AMMECR1: variants seen among roughly 807,000 people sequenced by gnomAD.
AMMECR1 encodes the protein nuclear protein AMMECR1.
In AMMECR1, 3 loss-of-function variants were observed where a neutral mutation model predicts 22.5. The ratio of observed to expected loss-of-function variants is 0.13; its 90% CI spans 0.06 to 0.35. The LOEUF (loss-of-function observed/expected upper bound fraction) is 0.35. Among genes scored for constraint, AMMECR1 ranks in the 10% least tolerant of loss-of-function variants. The pLI, the probability that AMMECR1 is intolerant of heterozygous loss-of-function variation, is 1.00. For missense variants in AMMECR1, 235 were observed against 278.7 expected (o/e 0.84, Z 1.12); for synonymous variants, 130 against 116.7 (o/e 1.11, Z -0.74).
chrX:110,405,103 A>AG (rs1440120080), intron 2 of AMMECR1, among the ~76,000 whole-genome samples: 2 of 80,776 alleles, frequency 2.5e-5, no homozygotes, highest in African/African-American at 1.0e-4. Context: ...CCCCCCCCCA[A>AG]GCATGAGTCA....
At chrX:110,378,008 C>CAAAA (rs755483656) in intron 2 of AMMECR1, among the ~76,000 whole-genome samples, 1,692 of 30,898 alleles carry the variant, frequency 0.055, 215 homozygotes, top group African/African-American at 0.22. Context: ...GACTCCGTCT[C>CAAAA]AAAAAAAAAA....
At chrX:110,359,651 T>C (rs1177783351) in intron 2 of AMMECR1, among the ~76,000 whole-genome samples, 1 of 111,873 alleles carries the variant, frequency 8.9e-6, no homozygotes, top group African/African-American at 3.2e-5. Context: ...TCATTAATAT[T>C]GTAAAAATAT....
intron 1 of AMMECR1, among the ~76,000 whole-genome samples, chrX:110,315,998 G>A (rs1020199574): frequency 6.2e-5 from 7 of 112,287 alleles, no homozygotes; most frequent in Non-Finnish European, 1.3e-4. Context: ...GTGGACTTAG[G>A]ATTTAAGCTT....
intron 1 of AMMECR1, among the ~76,000 whole-genome samples, chrX:110,427,436 A>G (rs2068762314): frequency 8.9e-6 from 1 of 111,886 alleles, no homozygotes; most frequent in Non-Finnish European, 1.9e-5. Context: ...AGAAACTCTG[A>G]GAGTGCTCAC....
chrX:110,297,769 T>C (rs1277632626), intron 1 of AMMECR1, among the ~76,000 whole-genome samples: 1 of 111,238 alleles, frequency 9.0e-6, no homozygotes, highest in Non-Finnish European at 1.9e-5. Context: ...TTTACTTGAG[T>C]TTGAAAATCA....
At chrX:110,374,456 A>T (rs1416940828) in intron 2 of AMMECR1, among the ~76,000 whole-genome samples, 1 of 111,844 alleles carries the variant, frequency 8.9e-6, no homozygotes, top group Non-Finnish European at 1.9e-5. Flanking sequence ...CCAGCTATCT[A>T]TTTATTTATA....
intron 2 of AMMECR1, among the ~76,000 whole-genome samples, chrX:110,216,861 A>G (rs1279983710): frequency 9.0e-6 from 1 of 111,392 alleles, no homozygotes; most frequent in African/African-American, 3.3e-5. Context: ...CTTCAATTGT[A>G]AAGAGAGAAT....
chrX:110,239,217 T>C (rs781032821), intron 2 of AMMECR1, among the ~76,000 whole-genome samples: 4 of 110,953 alleles, frequency 3.6e-5, no homozygotes, highest in Non-Finnish European at 7.6e-5. Context: ...TTGACAGAAG[T>C]AGGCTTCAGA....
rs560749435 is a variant in AMMECR1 at position 110,399,643 on chromosome X, A to G, written c.-148+27015T>C. On this transcript the variant is annotated intron_variant, in intron 2 of 7. Coordinates refer to the AMMECR1 transcript ENST00000372057. ...TGAAAGGCGACCTGGTTCACTTACAAATAAATGATTAATATAATCTCATTG... is the reference window on the plus strand; with the variant it reads ...TGAAAGGCGACCTGGTTCACTTACAGATAAATGATTAATATAATCTCATTG... Among the ~76,000 whole-genome samples, 135 of 112,224 alleles carry G rather than the reference A, an allele frequency of 1.2e-3. 4 individuals carry two copies. In the South Asian group the frequency reaches 0.05, roughly 41 times the overall value.
At chrX:110,438,658 A>C (rs900800604) in intron 1 of AMMECR1, among the ~76,000 whole-genome samples, 2 of 111,421 alleles carry the variant, frequency 1.8e-5, no homozygotes, top group Admixed American at 1.9e-4. Context: ...TCTCCACCAG[A>C]CATAAGGTGG....
chrX:110,227,869 G>A (rs776416691), intron 2 of AMMECR1, among the ~76,000 whole-genome samples: 1 of 112,085 alleles, frequency 8.9e-6, no homozygotes, highest in East Asian at 2.8e-4. Context: ...ATGGGTGATA[G>A]TGACAGAGAA....
chrX:110,429,453 A>G (rs915069646), intron 1 of AMMECR1, among the ~76,000 whole-genome samples: 1 of 100,461 alleles, frequency 1.0e-5, no homozygotes, highest in Non-Finnish European at 1.9e-5. Context: ...ACTTAGAGAA[A>G]AAGTGTTTTT....
chrX:110,368,990 A>G (rs777640398), intron 2 of AMMECR1, among the ~76,000 whole-genome samples: 5 of 111,774 alleles, frequency 4.5e-5, no homozygotes, highest in Non-Finnish European at 9.4e-5. Context: ...AGGAAGTTCC[A>G]TAGATTCTTA....
intron 2 of AMMECR1, among the ~76,000 whole-genome samples, chrX:110,363,554 C>T (rs780410683): frequency 9.0e-5 from 10 of 111,626 alleles, no homozygotes; most frequent in African/African-American, 1.3e-4. Flanking sequence ...ATAACTAAGA[C>T]GGGGTTCATG....
chrX:110,220,241 G>T (rs1455034446), intron 2 of AMMECR1, among the ~76,000 whole-genome samples: 2 of 111,748 alleles, frequency 1.8e-5, no homozygotes, highest in Admixed American at 9.5e-5. Context: ...TACTTTAGTT[G>T]TCACCTTTGC....
intron 2 of AMMECR1, among the ~76,000 whole-genome samples, chrX:110,254,837 A>G (rs1301776764): frequency 8.9e-6 from 1 of 112,003 alleles, no homozygotes; most frequent in African/African-American, 3.2e-5. Context: ...AAACTTCCTC[A>G]TCCACACCTC....
chrX:110,356,181 C>T (rs1188717403), intron 2 of AMMECR1, among the ~76,000 whole-genome samples: 1 of 97,024 alleles, frequency 1.0e-5, no homozygotes, highest in Non-Finnish European at 2.0e-5. Context: ...GAGACAGAGT[C>T]CTACTCTGTT....
intron 2 of AMMECR1, chrX:110,219,286 C>T (rs1004097031): frequency 3.1e-6 from 2 of 648,288 alleles, no homozygotes; most frequent in Non-Finnish European, 3.7e-6. Flanking sequence ...AGTTTCTCCA[C>T]ATCCACACCA....
At position 110,285,003 on chromosome X, in the gene AMMECR1, T is replaced by G. The variant is rs187955535; in HGVS notation, c.474-20404A>C. Among the ~76,000 whole-genome samples, 411 of 111,917 alleles carry G rather than the reference T, an allele frequency of 3.7e-3. 2 individuals carry two copies. Among genetic ancestry groups the G allele is most frequent in the African/African-American group, 0.013 (396 of 30,826 alleles). ...CTTTAGACAGGGTTCTCAACCCATC[T>G]AAAGTAGAGGATAGCAACTCTGTTG... On this transcript the variant is annotated intron_variant, in intron 1 of 5. Transcript: ENST00000262844.
Sources: gnomAD v4.1 joint callset for allele counts (sites outside exome capture counted in the v4.1 genomes callset) on GRCh38, gnomAD v4.1.1 for gene constraint, MANE v1.5 for transcripts, NCBI Gene and HGNC (gene_info 2026-07-23, HGNC 2026-07-21) for gene names.